Variants in ZC3H3 observed in about 807,000 individuals in gnomAD.
ZC3H3 encodes zinc finger CCCH-type containing 3.
ZC3H3 carries 36 observed loss-of-function variants against 77.3 expected under a neutral mutation model. That is an observed-to-expected ratio of 0.47 (90% confidence interval 0.36 to 0.61). The LOEUF is 0.61. ZC3H3 is among the 20% of genes least tolerant of loss of function. ZC3H3 has a pLI of 0.00. For missense variants in ZC3H3, 1,331 were observed against 1,312.2 expected, an observed-to-expected ratio of 1.01 and a Z score of -0.22; for synonymous variants, 626 against 555.2, an observed-to-expected ratio of 1.13 and a Z score of -1.79.
At chr8:143,496,757 C>T (rs966365052) in intron 4 of ZC3H3, among the ~76,000 whole-genome samples, 1 of 151,986 alleles carries the variant, frequency 6.6e-6, no homozygotes, top group Non-Finnish European at 1.5e-5. Context: ...GAGAAACTGC[C>T]GGATGGCCTA....
At chr8:143,440,641 G>T (rs1236871338) in intron 10 of ZC3H3, among the ~76,000 whole-genome samples, 1 of 152,194 alleles carries the variant, frequency 6.6e-6, no homozygotes, top group Non-Finnish European at 1.5e-5. Flanking sequence ...TGGATGAGGG[G>T]GCCCCCAGAC....
chr8:143,519,010 G>A (rs1170922481), intron 3 of ZC3H3, among the ~76,000 whole-genome samples: 3 of 152,242 alleles, frequency 2.0e-5, no homozygotes, highest in Non-Finnish European at 4.4e-5. Context: ...TCCCGGTGAT[G>A]CATCCCCAGT....
At chr8:143,472,317 G>A (rs897609051) in intron 5 of ZC3H3, among the ~76,000 whole-genome samples, 15 of 152,272 alleles carry the variant, frequency 9.9e-5, no homozygotes, top group Non-Finnish European at 2.1e-4. Flanking sequence ...CAGTCAGCAA[G>A]GGTGGCCGGG....
chr8:143,444,012 T>G (rs1229432493), intron 9 of ZC3H3, among the ~76,000 whole-genome samples: 1 of 151,790 alleles, frequency 6.6e-6, no homozygotes, highest in Non-Finnish European at 1.5e-5. Context: ...TCTTGCTCTG[T>G]TGCCCAGGCT....
intron 4 of ZC3H3, among the ~76,000 whole-genome samples, chr8:143,486,363 G>A (rs895537142): frequency 6.6e-6 from 1 of 152,232 alleles, no homozygotes; most frequent in Non-Finnish European, 1.5e-5. Flanking sequence ...CCGAGGCTCT[G>A]GCAAGGCTGG....
chr8:143,536,331 T>C lies in ZC3H3; in HGVS notation c.1487A>G (p.Lys496Arg), dbSNP rs751845098. The change falls in exon 3 of 12, where the codon AAG (lysine) becomes AGG (arginine). Residue 496 changes from lysine (K) to arginine (R), a missense_variant. Transcript: ENST00000262577. ...SSPVLKKTPN[K>R]GLVQVTTHRL... is the part of the protein sequence containing the mutation. ...GTGCGTGGTGACCTGTACCAGGCCC[T>C]TGTTGGGGGTCTTCTTCAGGACAGG... is the stretch of plus-strand genomic sequence containing the variant. 2 of 1,611,050 alleles carry C rather than the reference T, an allele frequency of 1.2e-6. No homozygotes were observed. Among genetic ancestry groups the C allele is most frequent in the East Asian group, 2.2e-5 (1 of 44,806 alleles).
chr8:143,523,600 A>G, intron 3 of ZC3H3: 1 of 949,792 alleles, frequency 1.1e-6, no homozygotes, highest in Non-Finnish European at 1.3e-6. Flanking sequence ...ATTCCAGGAC[A>G]TCCGTTTGAG....
intron 5 of ZC3H3, among the ~76,000 whole-genome samples, chr8:143,474,034 C>T (rs546187822): frequency 6.6e-6 from 1 of 152,296 alleles, no homozygotes; most frequent in Non-Finnish European, 1.5e-5. Context: ...AGGCCTATCC[C>T]CCAACCCACG....
chr8:143,486,696 C>A (rs1821063889), intron 4 of ZC3H3, among the ~76,000 whole-genome samples: 1 of 151,972 alleles, frequency 6.6e-6, no homozygotes, highest in African/African-American at 2.4e-5. Flanking sequence ...CACAAAACAG[C>A]ACCTGCTCCA....
intron 9 of ZC3H3, among the ~76,000 whole-genome samples, chr8:143,453,079 G>A (rs905229028): frequency 1.3e-5 from 2 of 152,132 alleles, no homozygotes; most frequent in African/African-American, 2.4e-5. Flanking sequence ...AAAGCAGCCA[G>A]AGAGAAACTA....
At chr8:143,466,839 C>A (rs1245223377) in intron 8 of ZC3H3, among the ~76,000 whole-genome samples, 1 of 152,324 alleles carries the variant, frequency 6.6e-6, no homozygotes, top group Middle Eastern at 3.4e-3. Context: ...CCTTGTCCCC[C>A]TCCCCTTCCC....
chr8:143,527,051 G>A (rs957788476), intron 3 of ZC3H3, among the ~76,000 whole-genome samples: 4 of 152,156 alleles, frequency 2.6e-5, no homozygotes, highest in Admixed American at 1.3e-4. Context: ...GGTGGCCATC[G>A]GGACGGCCCT....
intron 3 of ZC3H3, among the ~76,000 whole-genome samples, chr8:143,515,445 G>A (rs1822008127): frequency 6.6e-6 from 1 of 152,266 alleles, no homozygotes; most frequent in Admixed American, 6.5e-5. Context: ...CTGGCAGGCT[G>A]TGGGGACCCT....
At chr8:143,478,115 C>T (rs532793740) in intron 4 of ZC3H3, among the ~76,000 whole-genome samples, 1 of 152,330 alleles carries the variant, frequency 6.6e-6, no homozygotes, top group Admixed American at 6.5e-5. Flanking sequence ...GCAACAGAGC[C>T]AACCCAGCTC....
At position 143,439,515 on chromosome 8, in the gene ZC3H3, G is replaced by T. The variant is rs185027954; in HGVS notation, c.2815+526C>A. Among the ~76,000 whole-genome samples the T allele has an allele frequency of 2.0e-5, 3 of 152,340 alleles. No homozygotes were observed. In the East Asian group the frequency reaches 5.8e-4, roughly 29 times the overall value. On this transcript the variant is annotated intron_variant, in intron 11 of 11. Coordinates refer to ENST00000262577, the MANE Select transcript of ZC3H3 (RefSeq NM_015117.3). Reference sequence around the variant, plus strand: ...TTTTCTCTCCTAAACAAGGCTGAGTGGAGCCATTTACCAAGCCCCAAATGC... The same window carrying T: ...TTTTCTCTCCTAAACAAGGCTGAGTTGAGCCATTTACCAAGCCCCAAATGC...
intron 9 of ZC3H3, among the ~76,000 whole-genome samples, chr8:143,453,438 T>C (rs982625502): frequency 3.9e-5 from 6 of 152,142 alleles, no homozygotes; most frequent in African/African-American, 9.7e-5. Context: ...AGTGGATTTC[T>C]AACTAGACAC....
chr8:143,490,527 T>C (rs1048678252), intron 4 of ZC3H3, among the ~76,000 whole-genome samples: 3 of 152,236 alleles, frequency 2.0e-5, no homozygotes, highest in Non-Finnish European at 4.4e-5. Context: ...GTGCCACCCT[T>C]GTCCATCTGC....
At chr8:143,455,978 CA>C (rs58754874) in intron 9 of ZC3H3, among the ~76,000 whole-genome samples, 280 of 40,886 alleles carry the variant, frequency 6.8e-3, no homozygotes, top group Middle Eastern at 0.019. Flanking sequence ...GACTCTGTCT[CA>C]AAAAAAAAAA....
chr8:143,532,835 G>A (rs767416851), intron 3 of ZC3H3, among the ~76,000 whole-genome samples: 8 of 152,138 alleles, frequency 5.3e-5, no homozygotes, highest in African/African-American at 1.2e-4. Flanking sequence ...CTCAGCAGAC[G>A]CCCTGGCCAC....
Sources: gnomAD v4.1 joint callset for allele counts (sites outside exome capture counted in the v4.1 genomes callset) on GRCh38, gnomAD v4.1.1 for gene constraint, MANE v1.5 for transcripts, NCBI Gene and HGNC (gene_info 2026-07-23, HGNC 2026-07-21) for gene names.